The following MAP1LC3A variants were observed in gnomAD, a reference collection of about 807,000 sequenced individuals.
MAP1LC3A encodes microtubule associated protein 1 light chain 3 alpha.
MAP1LC3A carries 10 observed loss-of-function variants against 15.2 expected under a neutral mutation model. The ratio of observed to expected loss-of-function variants is 0.66; its 90% CI spans 0.41 to 1.12. MAP1LC3A has a LOEUF of 1.12. Ranked by LOEUF, MAP1LC3A falls within the 50% of genes most tolerant of loss-of-function variation. The pLI, the probability that MAP1LC3A is intolerant of heterozygous loss-of-function variation, is 0.00. For missense variants in MAP1LC3A, 138 were observed against 167.3 expected (o/e 0.82, Z 0.97); for synonymous variants, 63 against 64.3 (o/e 0.98, Z 0.10).
chr20:34,546,965 C>T (rs1981756272), intron 1 of MAP1LC3A: 1 of 152,288 alleles, frequency 6.6e-6, no homozygotes, highest in Non-Finnish European at 1.5e-5. Context: ...CGTAAGGGGC[C>T]TCGGAGCAAG....
chr20:34,550,083 C>T (rs1206647184), intron 2 of MAP1LC3A: 4 of 1,564,614 alleles, frequency 2.6e-6, no homozygotes, highest in Non-Finnish European at 3.5e-6. Flanking sequence ...TATGGTCTGT[C>T]CACACTCGCG....
At chr20:34,559,151 G>A in intron 1 of MAP1LC3A, 57 bp from the exon 2 acceptor site, 1 of 1,476,032 alleles carries the variant, frequency 6.8e-7, no homozygotes, top group South Asian at 1.4e-5. Context: ...CTCCGGGACA[G>A]GCGGGGCGGA....
chr20:34,556,054 G>A (rs1370557135), upstream of MAP1LC3A, among the ~76,000 whole-genome samples: 1 of 151,864 alleles, frequency 6.6e-6, no homozygotes, highest in Non-Finnish European at 1.5e-5. Context: ...ATGTTAGCCA[G>A]GATGGTCTCG....
chr20:34,558,360 C>G (rs1982237219), upstream of MAP1LC3A: 1 of 987,466 alleles, frequency 1.0e-6, no homozygotes, highest in Admixed American at 6.1e-5. This position sits in a 1 kb window ranked among gnomAD's most constrained non-coding sequence, Gnocchi z 4.3. Flanking sequence ...GGCGCCGGGC[C>G]TTTGGCTCCG....
upstream of MAP1LC3A, among the ~76,000 whole-genome samples, chr20:34,557,834 C>CA (rs996946576): frequency 1.3e-4 from 20 of 152,108 alleles, no homozygotes; most frequent in African/African-American, 4.8e-4. Flanking sequence ...CTGACTGAGG[C>CA]AGGAGAATCG....
chr20:34,547,732 A>G (rs911234442), intron 1 of MAP1LC3A, among the ~76,000 whole-genome samples: 5 of 152,244 alleles, frequency 3.3e-5, no homozygotes, highest in South Asian at 2.1e-4. Context: ...CTCCCCAGCC[A>G]TGCAGAACTG....
exon 2 of MAP1LC3A, chr20:34,550,013 A>G (rs1416127159): frequency 6.2e-7 from 1 of 1,614,034 alleles, no homozygotes; most frequent in East Asian, 2.2e-5. Flanking sequence ...CATGTGGAAA[A>G]GCAGCTGTGG....
intron 1 of MAP1LC3A, among the ~76,000 whole-genome samples, chr20:34,548,894 C>T (rs969679588): frequency 2.0e-5 from 3 of 151,892 alleles, no homozygotes; most frequent in East Asian, 1.9e-4. Flanking sequence ...TTAGTAGATA[C>T]AGGGTTTCAC....
At chr20:34,559,530 G>A in intron 3 of MAP1LC3A, 77 bp downstream of exon 3, 2 of 1,388,364 alleles carry the variant, frequency 1.4e-6, no homozygotes, top group Non-Finnish European at 2.0e-6. Context: ...GGGTGGGAGT[G>A]GGGTCAGGGG....
intron 3 of MAP1LC3A, 74 bp from the exon 4 acceptor site, chr20:34,559,662 C>A: frequency 6.8e-7 from 1 of 1,474,622 alleles, no homozygotes; most frequent in Non-Finnish European, 9.2e-7. Flanking sequence ...GGCTGGGAAT[C>A]ATTCTGGGGG....
upstream of MAP1LC3A, among the ~76,000 whole-genome samples, chr20:34,556,367 A>T (rs1982158261): frequency 6.6e-6 from 1 of 152,166 alleles, no homozygotes; most frequent in Non-Finnish European, 1.5e-5. Flanking sequence ...TGTGTGATTG[A>T]AAATAATGTG....
intron 1 of MAP1LC3A, among the ~76,000 whole-genome samples, chr20:34,548,655 CCT>C (rs993998322): frequency 6.6e-5 from 10 of 151,484 alleles, no homozygotes; most frequent in East Asian, 5.8e-4. Flanking sequence ...CCGGAGGACC[CCT>C]GAGTGGGTCT....
chr20:34,559,945 G>A lies in MAP1LC3A; in HGVS notation c.*47G>A. 6.4e-7 allele frequency: 1 copy of A among 1,569,352 alleles called. No individual in the cohort carries two copies. Among genetic ancestry groups the A allele is most frequent in the Non-Finnish European group, 8.6e-7 (1 of 1,160,200 alleles). ...CCTGGGAGTCGGGCGGCCCCGGTCA[G>A]GCCCTGCCCAGAGAGCTCCTGGTTC... On this transcript the variant is annotated 3_prime_UTR_variant, in exon 4 of 4. Transcript: ENST00000360668.
upstream of MAP1LC3A, among the ~76,000 whole-genome samples, chr20:34,554,815 G>A (rs1982090323): frequency 2.0e-5 from 3 of 151,724 alleles, no homozygotes; most frequent in Non-Finnish European, 2.9e-5. Flanking sequence ...CTACAGACAC[G>A]TGCCACCATA....
chr20:34,554,987 T>C (rs1982097681), upstream of MAP1LC3A, among the ~76,000 whole-genome samples: 2 of 149,486 alleles, frequency 1.3e-5, no homozygotes, highest in African/African-American at 4.9e-5. Context: ...TGATTACAGG[T>C]GTGGGCCACC....
chr20:34,552,209 G>A (rs953663733), intron 2 of MAP1LC3A, among the ~76,000 whole-genome samples: 1 of 152,160 alleles, frequency 6.6e-6, no homozygotes, highest in Non-Finnish European at 1.5e-5. Flanking sequence ...GGTTGGCCAC[G>A]CTGGTCTCAA....
At chr20:34,548,021 C>A (rs563689771) in intron 1 of MAP1LC3A, among the ~76,000 whole-genome samples, 2 of 151,972 alleles carry the variant, frequency 1.3e-5, no homozygotes, top group African/African-American at 4.8e-5. Context: ...GGGGGGTTCC[C>A]GGAGCAGTGA....
At chr20:34,559,715 A>G (rs1568614215) in intron 3 of MAP1LC3A, 21 bp from the exon 4 acceptor site, 1 of 1,592,736 alleles carries the variant, frequency 6.3e-7, no homozygotes, top group Non-Finnish European at 8.5e-7. Flanking sequence ...TCACAGCTGC[A>G]TACTCTCCCG....
chr20:34,559,912 GGGCTCGGCCTGGGAGTCGGGC>G lies in MAP1LC3A; in HGVS notation c.*18_*38del. ...TTCGGCTTCTGAGCCAGCAGTAGGG[GGGCTCGGCCTGGGAGTCGGGC>G]GGCCCCGGTCAGGCCCTGCCCAGAG... On this transcript the variant is annotated 3_prime_UTR_variant, in exon 4 of 4. Transcript: ENST00000360668. 2.5e-6 allele frequency: 4 copies of G among 1,605,406 alleles called. No homozygotes were observed. Among genetic ancestry groups the G allele is most frequent in the Non-Finnish European group, 3.4e-6 (4 of 1,176,314 alleles).
Sources: gnomAD v4.1 joint callset for allele counts (sites outside exome capture counted in the v4.1 genomes callset) on GRCh38, gnomAD v4.1.1 for gene constraint, Gnocchi (gnomAD v3.1) non-coding constraint, MANE v1.5 for transcripts, NCBI Gene and HGNC (gene_info 2026-07-23, HGNC 2026-07-21) for gene names.